The following FAAH2 variants were observed in gnomAD, a reference collection of about 807,000 sequenced individuals.
FAAH2 encodes fatty-acid amide hydrolase 2.
A neutral mutation model predicts 36.9 loss-of-function variants in FAAH2; 60 were observed. That is an observed-to-expected ratio of 1.63 (90% CI 1.32 to 2.02). The LOEUF (loss-of-function observed/expected upper bound fraction) is 2.02, where lower values mean the gene tolerates loss of function less well. Among genes scored for constraint, FAAH2 ranks in the 30% most tolerant of loss-of-function variants. The pLI is 0.00. For missense variants in FAAH2, 689 were observed against 397.5 expected (o/e 1.73, Z -6.23); for synonymous variants, 214 against 143.8 (o/e 1.49, Z -3.49).
chrX:57,475,955 A>G (rs1420387554), intron 10 of FAAH2, among the ~76,000 whole-genome samples: 1 of 110,959 alleles, frequency 9.0e-6, no homozygotes, highest in Admixed American at 9.7e-5. Context: ...CTTTGTAGCA[A>G]TTGTGAATGG....
chrX:57,422,440 C>T (rs1279334345), intron 7 of FAAH2, among the ~76,000 whole-genome samples: 1 of 112,235 alleles, frequency 8.9e-6, no homozygotes, highest in Non-Finnish European at 1.9e-5. Flanking sequence ...ACAGCACTCA[C>T]TCCATAGGTC....
the FAAH2 span, among the ~76,000 whole-genome samples, chrX:57,155,804 A>G: frequency 8.9e-6 from 1 of 112,017 alleles, no homozygotes; most frequent in African/African-American, 3.2e-5. Flanking sequence ...ACTGTGAGAC[A>G]AGTCAGACAT....
chrX:57,487,694 CTT>C (rs761023578), intron 10 of FAAH2, among the ~76,000 whole-genome samples: 11 of 111,809 alleles, frequency 9.8e-5, no homozygotes, highest in Non-Finnish European at 1.7e-4. Flanking sequence ...GGTGCAGACT[CTT>C]TGGAAAACAA....
intron 1 of FAAH2, chrX:57,290,184 A>G (rs2051934053): frequency 1.6e-6 from 1 of 633,398 alleles, no homozygotes; most frequent in Admixed American, 9.3e-5. Context: ...GTTAACTTCT[A>G]CCTCTAACCC....
rs780095074 is a variant in FAAH2, at chrX:57,328,286, A to AG, written c.413-3310dup. 6.2e-3 allele frequency among the ~76,000 whole-genome samples: 696 copies of AG among 112,016 alleles called. 6 individuals are homozygous for AG. The highest frequency in any genetic ancestry group is 0.022 in the African/African-American group (674 of 30,871). On this transcript the variant is annotated intron_variant, in intron 3 of 10. Transcript: ENST00000374900. ...CTCCCAGTTAGGGTACTCGGGGGTC[A>AG]GGACCCACTTGAGGAGGCAGTCTGT...
chrX:57,229,004 C>T, the FAAH2 span: 1 of 111,815 alleles, frequency 8.9e-6, no homozygotes, highest in Non-Finnish European at 1.9e-5. Flanking sequence ...CACATCACTT[C>T]TCCTCCTTTG....
intron 7 of FAAH2, among the ~76,000 whole-genome samples, chrX:57,429,249 G>T (rs2056236146): frequency 9.3e-6 from 1 of 107,245 alleles, no homozygotes; most frequent in Non-Finnish European, 1.9e-5. Flanking sequence ...TGAGGCAGGA[G>T]AATGGCGTGA....
chrX:57,211,284 T>C, the FAAH2 span, among the ~76,000 whole-genome samples: 1 of 112,174 alleles, frequency 8.9e-6, no homozygotes, highest in Non-Finnish European at 1.9e-5. Flanking sequence ...TCTTTCCTTG[T>C]GCTGCCTCTT....
intron 3 of FAAH2, among the ~76,000 whole-genome samples, chrX:57,322,797 G>A (rs954628570): frequency 6.7e-5 from 5 of 74,453 alleles, no homozygotes; most frequent in African/African-American, 2.2e-4. Flanking sequence ...TGCTGCTAAT[G>A]CTTGTGATTT....
At chrX:57,445,980 C>T (rs2056665950) in intron 8 of FAAH2, among the ~76,000 whole-genome samples, 1 of 112,510 alleles carries the variant, frequency 8.9e-6, no homozygotes, top group African/African-American at 3.2e-5. Context: ...TGGAGCCAGC[C>T]AGGACTGGAG....
chrX:57,425,339 G>T (rs909292644), intron 7 of FAAH2, among the ~76,000 whole-genome samples: 20 of 111,529 alleles, frequency 1.8e-4, no homozygotes, highest in Admixed American at 1.2e-3. Context: ...CTAGTAAAAG[G>T]TCTAGATATC....
At chrX:57,146,057 T>C in the FAAH2 span, among the ~76,000 whole-genome samples, 1 of 110,189 alleles carries the variant, frequency 9.1e-6, no homozygotes, top group Non-Finnish European at 1.9e-5. Flanking sequence ...GGCTCTTTTT[T>C]TGGTTCCATA....
chrX:57,227,983 A>G, the FAAH2 span, among the ~76,000 whole-genome samples: 1 of 110,909 alleles, frequency 9.0e-6, no homozygotes, highest in African/African-American at 3.3e-5. Context: ...GGCTGGTCTC[A>G]CTCCCACCAT....
At chrX:57,329,477 G>A (rs1312776896) in intron 3 of FAAH2, among the ~76,000 whole-genome samples, 2 of 110,364 alleles carry the variant, frequency 1.8e-5, no homozygotes, top group Non-Finnish European at 3.8e-5. Context: ...TACTGTTGGG[G>A]GCAGTGCTGA....
intron 10 of FAAH2, among the ~76,000 whole-genome samples, chrX:57,462,079 C>A (rs1265493123): frequency 1.9e-5 from 2 of 107,153 alleles, no homozygotes; most frequent in African/African-American, 6.8e-5. Flanking sequence ...GACACATACA[C>A]CCTCCCAAGG....
At chrX:57,163,694 G>T in the FAAH2 span, among the ~76,000 whole-genome samples, 1 of 112,402 alleles carries the variant, frequency 8.9e-6, no homozygotes, top group African/African-American at 3.2e-5. Flanking sequence ...CTTCTCAAGT[G>T]AGGCAATGCC....
In FAAH2 at chrX:57,420,239, T is replaced by A. The variant is rs1468275895; in HGVS notation, c.997-11679T>A. On this transcript the variant is annotated intron_variant, in intron 7 of 10. Transcript: ENST00000374900. ...TTCCATATGAACTTTAAAGTAGTTT[T>A]TTTCCAATTCTGTGAAGACAGTCAT... Among the ~76,000 whole-genome samples the A allele has an allele frequency of 5.4e-5, 6 of 111,206 alleles. No homozygotes were observed. In the Admixed American group the frequency reaches 5.7e-4, roughly 11 times the overall value.
At chrX:57,482,340 C>T (rs1251084946) in intron 10 of FAAH2, among the ~76,000 whole-genome samples, 1 of 111,842 alleles carries the variant, frequency 8.9e-6, no homozygotes, top group African/African-American at 3.2e-5. Context: ...AGTGTCAAAA[C>T]AGCCACCCAG....
chrX:57,370,097 A>AC (rs2054513057), intron 5 of FAAH2, among the ~76,000 whole-genome samples: 2 of 111,676 alleles, frequency 1.8e-5, no homozygotes, highest in African/African-American at 3.3e-5. Context: ...TACAAAGCTT[A>AC]TTACTATGGA....
Sources: allele counts gnomAD v4.1 joint callset (sites outside exome capture counted in the v4.1 genomes callset), GRCh38; gene constraint gnomAD v4.1.1; transcripts MANE v1.5; gene names NCBI Gene and HGNC (gene_info 2026-07-23, HGNC 2026-07-21).